Variants in PNOC observed in about 807,000 individuals in gnomAD.
PNOC encodes the protein nociceptin.
PNOC carries 10 observed loss-of-function variants against 15.6 expected under a neutral mutation model. The ratio of observed to expected loss-of-function variants is 0.64; its 90% CI spans 0.40 to 1.09. PNOC has a LOEUF of 1.09. Ranked by LOEUF, PNOC falls within the 50% of genes least tolerant of loss-of-function variation. PNOC has a pLI of 0.01. For missense variants in PNOC, 220 were observed against 223.9 expected (o/e 0.98, Z 0.11); for synonymous variants, 98 against 88.5 (o/e 1.11, Z -0.60).
intron 3 of PNOC, 89 bp downstream of exon 3, chr8:28,339,580 T>TCTCCCCGCCCC: frequency 9.5e-7 from 1 of 1,052,260 alleles, no homozygotes; most frequent in Non-Finnish European, 1.3e-6. Flanking sequence ...AGCACATTCA[T>TCTCCCCGCCCC]CTCCCCGCCC....
chr8:28,324,553 A>T (rs529897673), intron 1 of PNOC, among the ~76,000 whole-genome samples: 3 of 152,324 alleles, frequency 2.0e-5, no homozygotes, highest in Non-Finnish European at 2.9e-5. Context: ...GTCTAGAAAG[A>T]CGGAAACTTA....
At chr8:28,320,829 T>C (rs1321030043) in intron 1 of PNOC, among the ~76,000 whole-genome samples, 3 of 137,848 alleles carry the variant, frequency 2.2e-5, no homozygotes, top group Non-Finnish European at 4.6e-5. Flanking sequence ...CCTGCCTGGG[T>C]GACAGAGCGA....
Position 28,343,277 on chromosome 8 carries a change from A to G in PNOC, c.*383A>G, listed in dbSNP as rs1801557207. 6.5e-6 allele frequency: 1 copy of G among 152,728 alleles called. No individual in the cohort carries two copies. The highest frequency in any genetic ancestry group is 2.1e-4 in the South Asian group (1 of 4,838). 9.5% of individuals were successfully genotyped at this position (152,728 alleles called of 1,614,324 possible). ...CTTGCCACTGCCATAACTTGTTTGT[A>G]AAAGAGCTGTTCTTTTTGACTGATT... is the stretch of plus-strand genomic sequence containing the variant. On this transcript the variant is annotated 3_prime_UTR_variant, in exon 4 of 4. Transcript: ENST00000301908.
intron 1 of PNOC, among the ~76,000 whole-genome samples, chr8:28,328,186 G>A (rs1212284573): frequency 1.4e-5 from 2 of 146,800 alleles, no homozygotes; most frequent in African/African-American, 2.5e-5. Flanking sequence ...TCTCGCCTCA[G>A]CCTCCCAAGT....
At position 28,339,206 on chromosome 8, in the gene PNOC, T is replaced by C; in HGVS notation, c.293T>C (p.Met98Thr). The change falls in exon 3 of 4, where the codon ATG becomes ACG. Residue 98 changes from methionine (M) to threonine (T), a missense_variant. Met to Thr is a moderately conservative substitution (Grantham distance 81, BLOSUM62 -1). Coordinates refer to ENST00000301908, the MANE Select transcript of PNOC (RefSeq NM_006228.5). ...RASEMQHLRR[M>T]PRVRSLFQEQ... ...TCGGAGATGCAGCATCTGCGGCGAA[T>C]GCCCCGAGTCCGGAGCTTGTTCCAG... 1 of 1,613,120 alleles carries C rather than the reference T, an allele frequency of 6.2e-7. No individual in the cohort carries two copies. The highest frequency in any genetic ancestry group is 8.5e-7 in the Non-Finnish European group (1 of 1,179,186).
intron 1 of PNOC, among the ~76,000 whole-genome samples, chr8:28,326,049 C>G (rs1801220537): frequency 1.3e-5 from 2 of 152,060 alleles, no homozygotes; most frequent in Admixed American, 6.6e-5. Context: ...TTTCAAAACC[C>G]GTCTCAAATG....
At chr8:28,338,493 C>A in intron 2 of PNOC, 1 of 634,056 alleles carries the variant, frequency 1.6e-6, no homozygotes, top group Non-Finnish European at 2.0e-6. Flanking sequence ...ATAAATGATA[C>A]ACAGATAGTG....
chr8:28,320,716 C>A (rs1326555179), intron 1 of PNOC, among the ~76,000 whole-genome samples: 1 of 151,594 alleles, frequency 6.6e-6, no homozygotes, highest in African/African-American at 2.4e-5. Flanking sequence ...CTGGGCGTGG[C>A]GGTGGGCGCC....
intron 2 of PNOC, among the ~76,000 whole-genome samples, chr8:28,331,747 C>G (rs529912690): frequency 6.6e-6 from 1 of 152,306 alleles, no homozygotes; most frequent in East Asian, 1.9e-4. Context: ...TGATTCTCCA[C>G]CCACCCCAGT....
In PNOC at chr8:28,339,126, G is replaced by A; in HGVS notation, c.213G>A (p.Gln71=). The A allele has an allele frequency of 6.2e-7, 1 of 1,612,702 alleles. No individual in the cohort carries two copies. Among genetic ancestry groups the A allele is most frequent in the Non-Finnish European group, 8.5e-7 (1 of 1,178,760 alleles). The part of the protein sequence containing the change: ...CTKVMARSSW[Q]LSPAAPEHVA... ...AGGTCATGGCCAGGAGCTCTTGGCA[G>A]CTCAGCCCTGCCGCCCCAGAGCATG... The change falls in exon 3 of 4, where the codon CAG becomes CAA. Residue 71 remains glutamine (Q), a synonymous_variant. Transcript: ENST00000301908.
At chr8:28,332,787 C>T (rs1801348790) in intron 2 of PNOC, among the ~76,000 whole-genome samples, 1 of 152,142 alleles carries the variant, frequency 6.6e-6, no homozygotes, top group South Asian at 2.1e-4. Context: ...CCTGTCTCTA[C>T]TAAAAATACA....
intron 2 of PNOC, among the ~76,000 whole-genome samples, chr8:28,330,433 C>T (rs1324645770): frequency 4.1e-5 from 3 of 72,488 alleles, no homozygotes; most frequent in African/African-American, 1.0e-4. Flanking sequence ...CTTGCTCTGT[C>T]GCCCAGGCTG....
At chr8:28,339,554 T>TA (rs1039306230) in intron 3 of PNOC, 63 bp downstream of exon 3, 2 of 1,309,012 alleles carry the variant, frequency 1.5e-6, no homozygotes, top group Non-Finnish European at 2.0e-6. Flanking sequence ...GTCTTAGCCT[T>TA]GCTCCCAGGC....
intron 1 of PNOC, among the ~76,000 whole-genome samples, chr8:28,325,946 A>G (rs1801218948): frequency 6.6e-6 from 1 of 152,238 alleles, no homozygotes; most frequent in African/African-American, 2.4e-5. Context: ...ATAAATCTCA[A>G]CTAAAGCCCT....
At chr8:28,330,399 T>TTATTTTATTTTTTTTTTTA (rs796269575) in intron 2 of PNOC, among the ~76,000 whole-genome samples, 1 of 104,102 alleles carries the variant, frequency 9.6e-6, no homozygotes, top group Admixed American at 9.7e-5. Flanking sequence ...TTATTTTATT[T>TTATTTTATTTTTTTTTTTA]TTTTTTTTTT....
chr8:28,331,269 G>A (rs1404157679), intron 2 of PNOC, among the ~76,000 whole-genome samples: 4 of 152,044 alleles, frequency 2.6e-5, no homozygotes, highest in South Asian at 2.1e-4. Flanking sequence ...GTTGGCCCTC[G>A]GTTAAGTGGT....
At chr8:28,320,092 CTT>C (rs34876964) in intron 1 of PNOC, among the ~76,000 whole-genome samples, 804 of 29,540 alleles carry the variant, frequency 0.027, no homozygotes, top group East Asian at 0.15. Context: ...TTCTTTCTTT[CTT>C]TTTTTTTTTT....
chr8:28,317,497 T>C (rs1225722144), intron 1 of PNOC, among the ~76,000 whole-genome samples, 181 bp downstream of exon 1: 1 of 151,400 alleles, frequency 6.6e-6, no homozygotes, highest in Non-Finnish European at 1.5e-5. Context: ...GCTTGGATGG[T>C]GGGGAACGGG....
chr8:28,328,763 A>G (rs1801268259), intron 1 of PNOC, among the ~76,000 whole-genome samples: 1 of 152,130 alleles, frequency 6.6e-6, no homozygotes, highest in Non-Finnish European at 1.5e-5. Context: ...ACATGCTGGT[A>G]AACTGCAAAG....
Sources: allele counts gnomAD v4.1 joint callset (sites outside exome capture counted in the v4.1 genomes callset), GRCh38; gene constraint gnomAD v4.1.1; transcripts MANE v1.5; gene names NCBI Gene and HGNC (gene_info 2026-07-23, HGNC 2026-07-21).